Variants in ZBTB40 observed in about 807,000 individuals in gnomAD.
ZBTB40 encodes zinc finger and BTB domain-containing protein 40.
A neutral mutation model predicts 117.5 loss-of-function variants in ZBTB40; 60 were observed. That is an observed-to-expected ratio of 0.51 (90% confidence interval 0.41 to 0.63). The LOEUF (loss-of-function observed/expected upper bound fraction) is 0.63. Ranked by LOEUF, ZBTB40 falls within the 30% of genes least tolerant of loss-of-function variation. The pLI is 0.00. For missense variants in ZBTB40, 1,287 were observed against 1,498.5 expected, an observed-to-expected ratio of 0.86 and a Z score of 2.33; for synonymous variants, 525 against 577.1, an observed-to-expected ratio of 0.91 and a Z score of 1.29.
intron 3 of ZBTB40, among the ~76,000 whole-genome samples, chr1:22,496,032 T>A (rs1337660482): frequency 5.3e-5 from 8 of 152,216 alleles, no homozygotes; most frequent in African/African-American, 1.9e-4. Flanking sequence ...TTCTGACATG[T>A]GTCTGCCTCC....
intron 9 of ZBTB40, 54 bp from the exon 10 acceptor site, chr1:22,511,124 TG>T (rs1557517026): frequency 4.0e-6 from 6 of 1,513,152 alleles, no homozygotes; most frequent in Non-Finnish European, 5.5e-6. Flanking sequence ...TTGAAAACCA[TG>T]GGGAAAATCT....
In ZBTB40 at chr1:22,490,349, C is replaced by G; in HGVS notation, c.401C>G (p.Ser134Ter). Residue 134 changes from serine to a stop codon, truncating the protein, a stop_gained, in exon 2 of 18, where the codon TCA becomes TGA. Transcript: ENST00000375647. LOFTEE classifies it high-confidence loss of function. Reference sequence around the variant, plus strand: ...GTAAGGGATGTCTCTGCGCCATCCTCAGAGACATTCAGAAAGGAACCAGAG... The same window carrying G: ...GTAAGGGATGTCTCTGCGCCATCCTGAGAGACATTCAGAAAGGAACCAGAG... ...QVVRDVSAPS[S>*]ETFRKEPEKP... 6.2e-7 allele frequency: 1 copy of G among 1,614,190 alleles called. No individual in the cohort carries two copies. The highest frequency in any genetic ancestry group is 8.5e-7 in the Non-Finnish European group (1 of 1,180,030).
chr1:22,468,695 C>T (rs548445335), intron 1 of ZBTB40, among the ~76,000 whole-genome samples: 106 of 126,274 alleles, frequency 8.4e-4, no homozygotes, highest in Middle Eastern at 5.5e-3. Context: ...AATGGGGTCT[C>T]ACTCTGTTGC....
intron 5 of ZBTB40, among the ~76,000 whole-genome samples, chr1:22,503,519 C>A (rs998959206): frequency 6.6e-6 from 1 of 152,086 alleles, no homozygotes; most frequent in Non-Finnish European, 1.5e-5. Context: ...GTTTAGAAGC[C>A]ACTGATATAA....
chr1:22,481,180 T>A (rs1319369121), intron 1 of ZBTB40, among the ~76,000 whole-genome samples: 1 of 152,202 alleles, frequency 6.6e-6, no homozygotes, highest in Non-Finnish European at 1.5e-5. Flanking sequence ...AAAGCATTTT[T>A]ATGTTTTATC....
chr1:22,494,576 A>T (rs1304122600), intron 3 of ZBTB40, among the ~76,000 whole-genome samples: 4 of 152,218 alleles, frequency 2.6e-5, no homozygotes, highest in African/African-American at 9.6e-5. Context: ...TTTGAGAAGC[A>T]TAGTTGGAGA....
In ZBTB40 at chr1:22,502,284, C is replaced by T; in HGVS notation, c.1025-15C>T. ...ACTAGCTTCTCTTGTGTGTCTCTAA[C>T]TCTTTCTCCCCCAGGGAGCACAGAG... On this transcript the variant is annotated splice_polypyrimidine_tract_variant and intron_variant, in intron 4 of 17. Coordinates refer to ENST00000375647, the MANE Select transcript of ZBTB40 (RefSeq NM_014870.4). 6.2e-7 allele frequency: 1 copy of T among 1,612,064 alleles called. No homozygotes were observed. The highest frequency in any genetic ancestry group is 8.5e-7 in the Non-Finnish European group (1 of 1,179,012).
At chr1:22,447,351 C>G (rs192560920), upstream of ZBTB40, among the ~76,000 whole-genome samples, 1 of 152,096 alleles carries the variant, frequency 6.6e-6, no homozygotes, top group African/African-American at 2.4e-5. Flanking sequence ...TGGACTTTGG[C>G]TGTGGACCTG....
chr1:22,478,437 C>T (rs944472150), intron 1 of ZBTB40, among the ~76,000 whole-genome samples: 13 of 151,990 alleles, frequency 8.6e-5, no homozygotes, highest in Admixed American at 2.0e-4. Flanking sequence ...TTAGTAGAGA[C>T]GGGGTTTCAC....
chr1:22,469,002 T>G (rs1006107320), intron 1 of ZBTB40, among the ~76,000 whole-genome samples: 4 of 151,870 alleles, frequency 2.6e-5, no homozygotes, highest in Non-Finnish European at 5.9e-5. Flanking sequence ...AATTTTTTGG[T>G]ATTTTTTTTA....
At chr1:22,460,977 G>A (rs558195330) in intron 1 of ZBTB40, among the ~76,000 whole-genome samples, 46 of 152,130 alleles carry the variant, frequency 3.0e-4, no homozygotes, top group African/African-American at 1.1e-3. Context: ...TATTTCTCTA[G>A]TTGTATTACT....
chr1:22,483,294 A>C, intron 1 of ZBTB40, among the ~76,000 whole-genome samples: 1 of 152,082 alleles, frequency 6.6e-6, no homozygotes, highest in East Asian at 1.9e-4. Flanking sequence ...TAAGTCTTCA[A>C]CCCCTTTGGT....
intron 1 of ZBTB40, among the ~76,000 whole-genome samples, chr1:22,434,045 A>G (rs1640637511): frequency 6.6e-6 from 1 of 152,202 alleles, no homozygotes; most frequent in Non-Finnish European, 1.5e-5. Flanking sequence ...ATTAATCTGC[A>G]TAGGGATCGT....
rs551473910 is a variant in ZBTB40, at chr1:22,456,336, TAACTCC to T, written c.-70+4335_-70+4340del. ...CTTACATTTCCCTAATGTTGTTATT[TAACTCC>T]AAATCCTCAAAATTATGATGCCACG... On this transcript the variant is annotated intron_variant, in intron 1 of 17. Transcript: ENST00000375647. 4.9e-3 allele frequency among the ~76,000 whole-genome samples: 740 copies of T among 152,302 alleles called. 3 individuals carry two copies. Among genetic ancestry groups the T allele is most frequent in the Middle Eastern group, 0.044 (13 of 294 alleles).
chr1:22,512,270 G>C, intron 11 of ZBTB40, 136 bp downstream of exon 11: 1 of 1,006,240 alleles, frequency 9.9e-7, no homozygotes. Context: ...TACAGAGGCA[G>C]GGTAATATTT....
intron 6 of ZBTB40, among the ~76,000 whole-genome samples, chr1:22,506,981 A>G (rs1332838356): frequency 6.6e-6 from 1 of 152,184 alleles, no homozygotes; most frequent in Non-Finnish European, 1.5e-5. Context: ...GTAACATTGC[A>G]GCAGCCTTCT....
chr1:22,437,514 A>G (rs1640685030), intron 1 of ZBTB40, among the ~76,000 whole-genome samples: 1 of 150,388 alleles, frequency 6.6e-6, no homozygotes, highest in Non-Finnish European at 1.5e-5. Context: ...TCTGCCTCCC[A>G]GGTTCCAGCA....
chr1:22,510,634 C>T (rs1415410822), intron 9 of ZBTB40, among the ~76,000 whole-genome samples: 2 of 152,196 alleles, frequency 1.3e-5, no homozygotes, highest in East Asian at 3.9e-4. Flanking sequence ...TTCTTGGACT[C>T]TTTAAAGCTT....
chr1:22,511,588 A>T, intron 10 of ZBTB40, 88 bp from the exon 11 acceptor site: 2 of 1,419,084 alleles, frequency 1.4e-6, no homozygotes, highest in Non-Finnish European at 1.9e-6. Context: ...AGTAGTCTCT[A>T]GTCTCCTGTA....
Sources: allele counts gnomAD v4.1 joint callset (sites outside exome capture counted in the v4.1 genomes callset), GRCh38; gene constraint gnomAD v4.1.1; transcripts MANE v1.5; gene names NCBI Gene and HGNC (gene_info 2026-07-23, HGNC 2026-07-21).